AFF3: variants seen among roughly 807,000 people sequenced by gnomAD.
AFF3 encodes the protein ALF transcription elongation factor 3.
A neutral mutation model predicts 129.7 loss-of-function variants in AFF3; 32 were observed. The observed-to-expected ratio is 0.25, with a 90% CI of 0.19 to 0.33. The LOEUF (loss-of-function observed/expected upper bound fraction) is 0.33, where lower values mean the gene tolerates loss of function less well. AFF3 is among the 10% of genes least tolerant of loss of function. The pLI is 1.00. For missense variants in AFF3, 1,373 were observed against 1,592.0 expected (o/e 0.86, Z 2.34); for synonymous variants, 644 against 635.4 (o/e 1.01, Z -0.20).
At chr2:99,875,081 A>C (rs1321247832) in intron 7 of AFF3, among the ~76,000 whole-genome samples, 1 of 152,184 alleles carries the variant, frequency 6.6e-6, no homozygotes, top group Non-Finnish European at 1.5e-5. Flanking sequence ...AAAGGACAAG[A>C]CATTCTTTTG....
intron 4 of AFF3, among the ~76,000 whole-genome samples, chr2:100,056,657 T>C (rs1435230283): frequency 1.3e-5 from 2 of 152,252 alleles, no homozygotes; most frequent in Non-Finnish European, 2.9e-5. Context: ...AAGATCATTT[T>C]TCCTGATAAA....
rs762249338 is a variant in AFF3, at chr2:99,583,004, A to G, written c.2592-5T>C. On this transcript the variant is annotated splice_region_variant and splice_polypyrimidine_tract_variant and intron_variant, in intron 16 of 24. Transcript: ENST00000672756. Reference sequence around the variant, plus strand: ...TTATTTATTGGTATTGCCACACTGAAAAAGGAAATTACGGTAATGGAATGT... The same window carrying G: ...TTATTTATTGGTATTGCCACACTGAGAAAGGAAATTACGGTAATGGAATGT... 153 of 1,613,310 alleles carry G rather than the reference A, an allele frequency of 9.5e-5. No individual in the cohort carries two copies. Among genetic ancestry groups the G allele is most frequent in the Non-Finnish European group, 7.6e-5 (90 of 1,179,486 alleles).
chr2:100,037,730 T>C (rs950425077), intron 4 of AFF3, among the ~76,000 whole-genome samples: 5 of 130,190 alleles, frequency 3.8e-5, no homozygotes, highest in African/African-American at 1.1e-4. Context: ...TATATATTTA[T>C]ATTAATTTGT....
chr2:99,609,197 A>AT (rs931230687), intron 13 of AFF3, among the ~76,000 whole-genome samples: 12 of 151,834 alleles, frequency 7.9e-5, no homozygotes, highest in Admixed American at 1.3e-4. Flanking sequence ...TTTTTTCTTT[A>AT]TTTTTTTAAC....
chr2:99,891,110 T>C (rs1019599084), intron 7 of AFF3, among the ~76,000 whole-genome samples: 1 of 152,110 alleles, frequency 6.6e-6, no homozygotes, highest in Non-Finnish European at 1.5e-5. Flanking sequence ...AGAGCCTTTA[T>C]TGTTTTCCAT....
At chr2:99,586,968 C>A (rs1362448128) in intron 16 of AFF3, among the ~76,000 whole-genome samples, 186 bp downstream of exon 16, 1 of 152,040 alleles carries the variant, frequency 6.6e-6, no homozygotes, top group Non-Finnish European at 1.5e-5. Flanking sequence ...GCGTGAGTAT[C>A]TGGAGCTATA....
intron 7 of AFF3, among the ~76,000 whole-genome samples, chr2:99,992,301 T>A (rs1039826044): frequency 6.6e-6 from 1 of 152,236 alleles, no homozygotes; most frequent in African/African-American, 2.4e-5. Flanking sequence ...TCTAATTAAA[T>A]GTGGTCACCA....
chr2:99,746,483 C>CTA (rs1300181660), intron 9 of AFF3, among the ~76,000 whole-genome samples: 1 of 152,166 alleles, frequency 6.6e-6, no homozygotes, highest in Non-Finnish European at 1.5e-5. Context: ...GATTCCCACT[C>CTA]TATTAAACAG....
chr2:99,607,109 G>A (rs1449155924), intron 13 of AFF3, among the ~76,000 whole-genome samples: 1 of 152,138 alleles, frequency 6.6e-6, no homozygotes. Context: ...AGTGGTCAGA[G>A]CCAAATACAC....
chr2:99,922,873 T>C (rs1317665643), intron 7 of AFF3, among the ~76,000 whole-genome samples: 2 of 152,116 alleles, frequency 1.3e-5, no homozygotes, highest in Non-Finnish European at 2.9e-5. Flanking sequence ...CCAACAGTAG[T>C]CTACATCTAT....
chr2:99,983,804 A>G (rs1158377072), intron 7 of AFF3, among the ~76,000 whole-genome samples: 1 of 152,210 alleles, frequency 6.6e-6, no homozygotes, highest in African/African-American at 2.4e-5. Context: ...AGCAGTTTTC[A>G]GAAGGTTTAG....
chr2:100,018,878 A>C (rs766698910), intron 4 of AFF3, among the ~76,000 whole-genome samples: 1 of 152,124 alleles, frequency 6.6e-6, no homozygotes, highest in Non-Finnish European at 1.5e-5. Flanking sequence ...AGGGCTTTTC[A>C]TGGGAGAGCC....
At chr2:99,706,185 G>A (rs1677368712) in intron 11 of AFF3, among the ~76,000 whole-genome samples, 1 of 152,130 alleles carries the variant, frequency 6.6e-6, no homozygotes, top group African/African-American at 2.4e-5. Context: ...GGTAGACCCA[G>A]ACTCTCCAGA....
At chr2:100,079,042 G>T (rs1688828012) in intron 4 of AFF3, among the ~76,000 whole-genome samples, 1 of 151,352 alleles carries the variant, frequency 6.6e-6, no homozygotes, top group Non-Finnish European at 1.5e-5. Context: ...TGCCTCCCAG[G>T]TTCACGCCAT....
In AFF3 at chr2:99,711,216, C is replaced by T. The variant is rs1321299346; in HGVS notation, c.1091+15861G>A. ...TTCATGTGCCCTCTGTGCCAGGCCG[C>T]GTGTGGTGTCTCCAAGAGGATCTGG... On this transcript the variant is annotated intron_variant, in intron 11 of 24. Transcript: ENST00000672756. 3.3e-5 allele frequency among the ~76,000 whole-genome samples: 5 copies of T among 152,132 alleles called. 1 individual carries two copies. The highest frequency in any genetic ancestry group is 4.1e-4 in the South Asian group (2 of 4,826).
At chr2:100,134,314 A>G (rs752820095) in intron 1 of AFF3, among the ~76,000 whole-genome samples, 7 of 152,206 alleles carry the variant, frequency 4.6e-5, no homozygotes, top group East Asian at 1.9e-4. Context: ...TTGTATTTCA[A>G]TGTGTAGCTT....
chr2:99,603,246 C>G (rs1680009060), intron 13 of AFF3, among the ~76,000 whole-genome samples: 1 of 152,006 alleles, frequency 6.6e-6, no homozygotes, highest in Admixed American at 6.5e-5. Flanking sequence ...AAAAATCTGT[C>G]TTTCCTGTTG....
At chr2:99,675,681 T>C (rs1687544076) in intron 11 of AFF3, among the ~76,000 whole-genome samples, 1 of 152,148 alleles carries the variant, frequency 6.6e-6, no homozygotes, top group African/African-American at 2.4e-5. Context: ...CAATGAAACA[T>C]GGTTAGGAGA....
intron 13 of AFF3, among the ~76,000 whole-genome samples, chr2:99,633,165 G>C (rs940686210): frequency 1.3e-5 from 2 of 152,064 alleles, no homozygotes; most frequent in African/African-American, 4.8e-5. Flanking sequence ...CTCTCCACTT[G>C]ACAGATGGGA....
Sources: gnomAD v4.1 joint callset for allele counts (sites outside exome capture counted in the v4.1 genomes callset) on GRCh38, gnomAD v4.1.1 for gene constraint, MANE v1.5 for transcripts, NCBI Gene and HGNC (gene_info 2026-07-23, HGNC 2026-07-21) for gene names.